Variants in ERC1 observed in about 807,000 individuals in gnomAD.
The protein encoded by ERC1 is ELKS/RAB6-interacting/CAST family member 1, also known as RAB6 interacting protein 2.
In ERC1, 56 loss-of-function variants were observed where a neutral mutation model predicts 132.0. That is an observed-to-expected ratio of 0.42 (90% CI 0.34 to 0.53). ERC1 has a LOEUF of 0.53. Among genes scored for constraint, ERC1 ranks in the 20% least tolerant of loss-of-function variants. The pLI is 0.03. For missense variants in ERC1, 1,202 were observed against 1,349.9 expected (o/e 0.89, Z 1.72); for synonymous variants, 478 against 476.1 (o/e 1.00, Z -0.05).
chr12:1,151,606 A>T (rs1191854992), intron 8 of ERC1, among the ~76,000 whole-genome samples: 5 of 152,218 alleles, frequency 3.3e-5, no homozygotes, highest in Non-Finnish European at 2.9e-5. Flanking sequence ...TAGGTACACC[A>T]GGAAACCATC....
At chr12:1,120,407 G>T (rs1337301316) in intron 7 of ERC1, among the ~76,000 whole-genome samples, 1 of 152,162 alleles carries the variant, frequency 6.6e-6, no homozygotes, top group African/African-American at 2.4e-5. Context: ...GTAATGGCAT[G>T]GGTTAGACAA....
rs1942482428 is a variant in ERC1 at position 1,083,203 on chromosome 12, C to T, written c.709C>T (p.Arg237Trp). 1.9e-6 allele frequency: 3 copies of T among 1,613,766 alleles called. No individual in the cohort carries two copies. The highest frequency in any genetic ancestry group is 1.1e-5 in the South Asian group (1 of 91,024). The change falls in exon 3 of 19, where the codon CGG becomes TGG. Residue 237 changes from arginine to tryptophan, a missense_variant. By Grantham distance (101) the Arg-to-Trp change is moderately radical (BLOSUM62 -3). Transcript: ENST00000360905. ...AATCCAGGCTCTCCAGGATGAATTG[C>T]GGATCCAGAGGGACCTGAATCAGCT... ...MTIQALQDEL[R>W]IQRDLNQLFQ...
chr12:1,423,641 A>G (rs190840580), intron 17 of ERC1, among the ~76,000 whole-genome samples: 12 of 152,306 alleles, frequency 7.9e-5, no homozygotes, highest in Non-Finnish European at 1.8e-4. Flanking sequence ...ATTTTTGTAG[A>G]GGGAGAGGTC....
At chr12:1,337,454 C>T (rs1296933340) in intron 15 of ERC1, among the ~76,000 whole-genome samples, 1 of 151,878 alleles carries the variant, frequency 6.6e-6, no homozygotes, top group Non-Finnish European at 1.5e-5. Context: ...AAATGGGCCT[C>T]TTGAAGATAG....
intron 2 of ERC1, among the ~76,000 whole-genome samples, chr12:1,042,030 T>A (rs1460258678): frequency 6.6e-6 from 1 of 152,128 alleles, no homozygotes; most frequent in Non-Finnish European, 1.5e-5. Context: ...ATTACAGGTG[T>A]GAGCCACTGC....
At chr12:1,337,530 C>T (rs1255805902) in intron 15 of ERC1, among the ~76,000 whole-genome samples, 1 of 152,020 alleles carries the variant, frequency 6.6e-6, no homozygotes, top group African/African-American at 2.4e-5. Flanking sequence ...GGGTATTTAG[C>T]CCATTTACAT....
chr12:1,177,230 C>CT (rs1183325293), intron 8 of ERC1, among the ~76,000 whole-genome samples: 1 of 152,128 alleles, frequency 6.6e-6, no homozygotes, highest in Non-Finnish European at 1.5e-5. Flanking sequence ...AGGTTGATTT[C>CT]TTTTTTGTGT....
At chr12:1,450,397 G>T (rs58991167) in intron 18 of ERC1, among the ~76,000 whole-genome samples, 5 of 152,078 alleles carry the variant, frequency 3.3e-5, no homozygotes, top group African/African-American at 1.2e-4. Flanking sequence ...AATGGAATCA[G>T]GCAGTATTTG....
At chr12:1,355,876 C>T (rs1232856948) in intron 15 of ERC1, among the ~76,000 whole-genome samples, 2 of 151,988 alleles carry the variant, frequency 1.3e-5, no homozygotes, top group African/African-American at 4.8e-5. Flanking sequence ...ATGGCTTTAA[C>T]GTAAGGTAAA....
chr12:1,015,735 T>C (rs1290322594), intron 1 of ERC1, among the ~76,000 whole-genome samples: 9 of 152,202 alleles, frequency 5.9e-5, no homozygotes, highest in Admixed American at 5.9e-4. Flanking sequence ...GTAATATTTA[T>C]AACCCTTTAA....
intron 12 of ERC1, among the ~76,000 whole-genome samples, chr12:1,205,088 G>A (rs1957236524): frequency 6.6e-6 from 1 of 152,142 alleles, no homozygotes; most frequent in African/African-American, 2.4e-5. Flanking sequence ...TTTTGTTTCA[G>A]TTGATCTTAG....
chr12:1,490,333 C>G lies in ERC1; in HGVS notation c.*103C>G. 1 of 1,138,126 alleles carries G rather than the reference C, an allele frequency of 8.8e-7. No homozygotes were observed. Among genetic ancestry groups the G allele is most frequent in the Non-Finnish European group, 1.2e-6 (1 of 807,606 alleles). 70.5% of individuals were successfully genotyped at this position (1,138,126 alleles called of 1,614,324 possible). The stretch of plus-strand genomic sequence containing the variant: ...CCTTCTTGGCACCAAACACTACAAA[C>G]TTCATCCCAACTTGCTCACTTGAAG... On this transcript the variant is annotated 3_prime_UTR_variant, in exon 19 of 19. Coordinates refer to ENST00000360905, the MANE Select transcript of ERC1 (RefSeq NM_178040.4).
intron 8 of ERC1, among the ~76,000 whole-genome samples, chr12:1,150,020 A>G (rs1950696830): frequency 6.6e-6 from 1 of 152,154 alleles, no homozygotes; most frequent in African/African-American, 2.4e-5. Flanking sequence ...CTTTAGGGGA[A>G]GGTTGTTTTG....
chr12:1,334,812 G>T (rs1247754714), intron 15 of ERC1, among the ~76,000 whole-genome samples: 2 of 152,098 alleles, frequency 1.3e-5, no homozygotes, highest in Non-Finnish European at 2.9e-5. Context: ...TCTATAAATT[G>T]CTTTGTTCAG....
chr12:1,257,795 A>G (rs1234468207), intron 13 of ERC1, among the ~76,000 whole-genome samples: 1 of 152,188 alleles, frequency 6.6e-6, no homozygotes, highest in Non-Finnish European at 1.5e-5. Context: ...ATAATTTTGA[A>G]TTTTCTAATA....
chr12:1,069,315 G>C (rs1479136838), intron 2 of ERC1, among the ~76,000 whole-genome samples: 1 of 152,164 alleles, frequency 6.6e-6, no homozygotes, highest in Non-Finnish European at 1.5e-5. Context: ...GTACTTAGCT[G>C]TATATAAAAT....
At chr12:1,226,891 G>A (rs1222582300) in intron 12 of ERC1, among the ~76,000 whole-genome samples, 1 of 152,166 alleles carries the variant, frequency 6.6e-6, no homozygotes, top group Non-Finnish European at 1.5e-5. Flanking sequence ...TGGCCAGGCT[G>A]GCCTCAAACT....
At chr12:1,045,338 A>G (rs911202937) in intron 2 of ERC1, among the ~76,000 whole-genome samples, 1 of 152,090 alleles carries the variant, frequency 6.6e-6, no homozygotes, top group African/African-American at 2.4e-5. Context: ...TTTAAAAAAT[A>G]GTGTAATAGA....
Position 1,104,795 on chromosome 12 carries a change from A to G in ERC1, c.1132A>G (p.Lys378Glu). The G allele has an allele frequency of 6.2e-7, 1 of 1,613,144 alleles. No individual in the cohort carries two copies. The highest frequency in any genetic ancestry group is 8.5e-7 in the Non-Finnish European group (1 of 1,179,116). Residue 378 changes from lysine (K) to glutamate (E), a missense_variant, in exon 4 of 19, where the codon AAA (lysine) becomes GAA (glutamate). Coordinates refer to ENST00000360905, the MANE Select transcript of ERC1 (RefSeq NM_178040.4). ...GAATGCTCCTGATTCTGCCAAAACA[A>G]AAGCTCTGCAAACTGTTATTGAGAT... ...FENAPDSAKT[K>E]ALQTVIEMKD...
Sources: allele counts gnomAD v4.1 joint callset (sites outside exome capture counted in the v4.1 genomes callset), GRCh38; gene constraint gnomAD v4.1.1; transcripts MANE v1.5; gene names NCBI Gene and HGNC (gene_info 2026-07-23, HGNC 2026-07-21).